ASTN2: variants seen among roughly 807,000 people sequenced by gnomAD.
The protein encoded by ASTN2 is astrotactin 2, also known as astrotactin-2.
ASTN2 carries 54 observed loss-of-function variants against 139.8 expected under a neutral mutation model. The ratio of observed to expected loss-of-function variants is 0.39; its 90% CI spans 0.31 to 0.48. ASTN2 has a LOEUF of 0.48. ASTN2 is among the 20% of genes least tolerant of loss of function. The pLI is 0.95. For missense variants in ASTN2, 1,565 were observed against 1,725.1 expected (o/e 0.91, Z 1.64); for synonymous variants, 756 against 719.5 (o/e 1.05, Z -0.81).
chr9:116,856,450 T>C (rs1253168656), intron 11 of ASTN2, among the ~76,000 whole-genome samples: 2 of 152,208 alleles, frequency 1.3e-5, no homozygotes, highest in Non-Finnish European at 1.5e-5. Context: ...CTCTGCTGAC[T>C]CTTCTTGCTA....
At chr9:117,341,881 G>A (rs1429095237) in intron 1 of ASTN2, among the ~76,000 whole-genome samples, 1 of 152,170 alleles carries the variant, frequency 6.6e-6, no homozygotes, top group Non-Finnish European at 1.5e-5. Flanking sequence ...AATTCCATTA[G>A]AGGTAATGGA....
intron 4 of ASTN2, among the ~76,000 whole-genome samples, chr9:117,127,653 GGGTTTTTTTTTTGTTTT>G (rs1829721914): frequency 1.4e-5 from 2 of 144,096 alleles, no homozygotes; most frequent in African/African-American, 5.0e-5. Flanking sequence ...TCAGAAGTTA[GGGTTTTTTTTTTGTTTT>G]GGTTTTTTTT....
At chr9:116,697,739 A>C (rs748613689) in intron 16 of ASTN2, 1 of 1,613,936 alleles carries the variant, frequency 6.2e-7, no homozygotes, top group Non-Finnish European at 8.5e-7. Context: ...TCAAAGGAAG[A>C]GCAATGGCTG....
chr9:116,532,599 C>A (rs1851405606), intron 19 of ASTN2, among the ~76,000 whole-genome samples: 1 of 152,162 alleles, frequency 6.6e-6, no homozygotes, highest in Non-Finnish European at 1.5e-5. Flanking sequence ...GTTTTCCCAG[C>A]ACCATTTGTT....
At chr9:117,084,708 G>C (rs114145952) in intron 5 of ASTN2, among the ~76,000 whole-genome samples, 2,149 of 152,262 alleles carry the variant, frequency 0.014, 45 homozygotes, top group African/African-American at 0.049. Context: ...GGAAATGGGG[G>C]GATACACTCC....
intron 11 of ASTN2, among the ~76,000 whole-genome samples, chr9:116,851,421 A>G (rs1832597716): frequency 6.6e-6 from 1 of 152,130 alleles, no homozygotes; most frequent in South Asian, 2.1e-4. Context: ...ACTGTAAATA[A>G]TGTTTTACAT....
At chr9:117,250,723 C>G (rs1833513625) in intron 2 of ASTN2, among the ~76,000 whole-genome samples, 1 of 152,110 alleles carries the variant, frequency 6.6e-6, no homozygotes, top group South Asian at 2.1e-4. Context: ...TCATAAAGTC[C>G]AAGGTCTCAT....
In ASTN2 at chr9:117,315,858, C is replaced by T. The variant is rs1024597567; in HGVS notation, c.443-24345G>A. Among the ~76,000 whole-genome samples the T allele has an allele frequency of 2.6e-5, 4 of 152,164 alleles. No homozygotes were observed. The East Asian group carries it at 7.7e-4, about 29-fold the overall frequency. On this transcript the variant is annotated intron_variant, in intron 1 of 22. Transcript: ENST00000313400. ...TATTAAGTATTTGGACATTGAAGAACTTCAGAGAGTAAAACCTCCAGGCAC... is the reference window on the plus strand; with the variant it reads ...TATTAAGTATTTGGACATTGAAGAATTTCAGAGAGTAAAACCTCCAGGCAC...
At chr9:117,241,144 C>T (rs1052060867) in intron 2 of ASTN2, among the ~76,000 whole-genome samples, 4 of 152,224 alleles carry the variant, frequency 2.6e-5, no homozygotes, top group Non-Finnish European at 4.4e-5. Flanking sequence ...ATAAACAAAA[C>T]TCCACTGAGG....
intron 19 of ASTN2, among the ~76,000 whole-genome samples, chr9:116,542,372 G>T (rs1319194358): frequency 6.6e-6 from 1 of 152,026 alleles, no homozygotes; most frequent in Non-Finnish European, 1.5e-5. Flanking sequence ...ATTTACAAGG[G>T]TGCCTAATAA....
intron 3 of ASTN2, among the ~76,000 whole-genome samples, chr9:117,177,124 C>T (rs1005241523): frequency 1.3e-4 from 20 of 152,126 alleles, no homozygotes; most frequent in African/African-American, 4.6e-4. Flanking sequence ...GTTCCTATTT[C>T]ATAACCTGTG....
At chr9:117,050,837 A>C (rs12554135) in intron 5 of ASTN2, among the ~76,000 whole-genome samples, 1 of 151,988 alleles carries the variant, frequency 6.6e-6, no homozygotes, top group Non-Finnish European at 1.5e-5. Context: ...AACAATAGAA[A>C]TGAGGCTTTT....
At chr9:116,902,011 T>A (rs1834022059) in intron 10 of ASTN2, among the ~76,000 whole-genome samples, 1 of 151,980 alleles carries the variant, frequency 6.6e-6, no homozygotes, top group Non-Finnish European at 1.5e-5. Flanking sequence ...GGCAGCAGAG[T>A]GAGACTCTTG....
In ASTN2 at chr9:117,376,250, T is replaced by C. The variant is rs548857163; in HGVS notation, c.442+38247A>G. On this transcript the variant is annotated intron_variant, in intron 1 of 22. Coordinates refer to ENST00000313400, the MANE Select transcript of ASTN2 (RefSeq NM_001365068.1). Reference sequence around the variant, plus strand: ...TTGCTAAAGAAGACACTGAGGTTCATAGAGGTAAAGTGAGTACTTTGGGAC... The same window carrying C: ...TTGCTAAAGAAGACACTGAGGTTCACAGAGGTAAAGTGAGTACTTTGGGAC... 2.0e-5 allele frequency among the ~76,000 whole-genome samples: 3 copies of C among 152,254 alleles called. No homozygotes were observed. In the East Asian group the frequency reaches 5.8e-4, roughly 29 times the overall value.
At chr9:117,115,912 C>T (rs1829374713) in intron 4 of ASTN2, among the ~76,000 whole-genome samples, 1 of 151,582 alleles carries the variant, frequency 6.6e-6, no homozygotes, top group African/African-American at 2.4e-5. Flanking sequence ...GTAGTCCCAG[C>T]TACTCGGCAG....
intron 11 of ASTN2, among the ~76,000 whole-genome samples, chr9:116,845,238 C>T (rs1832392841): frequency 6.6e-6 from 1 of 152,178 alleles, no homozygotes; most frequent in South Asian, 2.1e-4. Context: ...CCTCAGCCTC[C>T]CGAGTAGCTG....
chr9:116,824,903 T>G (rs1831583370), intron 11 of ASTN2, among the ~76,000 whole-genome samples: 1 of 152,202 alleles, frequency 6.6e-6, no homozygotes, highest in South Asian at 2.1e-4. Context: ...ATGGTAAAAT[T>G]TGTTTGGGAA....
intron 5 of ASTN2, among the ~76,000 whole-genome samples, chr9:117,040,422 C>G (rs1334076): frequency 0.67 from 102,124 of 151,836 alleles, 34,660 homozygotes; most frequent in Middle Eastern, 0.74. Flanking sequence ...CTCATTGGCT[C>G]TGTGATCTCC....
chr9:116,847,526 T>A (rs1460640972), intron 11 of ASTN2, among the ~76,000 whole-genome samples: 1 of 152,230 alleles, frequency 6.6e-6, no homozygotes, highest in Non-Finnish European at 1.5e-5. Context: ...CTGGTGATGA[T>A]AATAAATAGC....
Sources: gnomAD v4.1 joint callset for allele counts (sites outside exome capture counted in the v4.1 genomes callset) on GRCh38, gnomAD v4.1.1 for gene constraint, MANE v1.5 for transcripts, NCBI Gene and HGNC (gene_info 2026-07-23, HGNC 2026-07-21) for gene names.